PACSIN2: variants seen among roughly 807,000 people sequenced by gnomAD.
The protein encoded by PACSIN2 is protein kinase C and casein kinase substrate in neurons 2.
A neutral mutation model predicts 63.8 loss-of-function variants in PACSIN2; 25 were observed. The observed-to-expected ratio is 0.39, with a 90% CI of 0.29 to 0.55. The LOEUF is 0.55. PACSIN2 is among the 20% of genes least tolerant of loss of function. The pLI is 0.62. For missense variants in PACSIN2, 518 were observed against 646.9 expected (o/e 0.80, Z 2.16); for synonymous variants, 255 against 256.2 (o/e 1.00, Z 0.05).
At chr22:42,874,094 T>G (rs1193129033) in intron 10 of PACSIN2, among the ~76,000 whole-genome samples, 1 of 152,120 alleles carries the variant, frequency 6.6e-6, no homozygotes, top group Non-Finnish European at 1.5e-5. Flanking sequence ...CCGGACAAGA[T>G]AACACTTTTC....
At position 42,949,457 on chromosome 22, in the gene PACSIN2, C is replaced by T. The variant is rs369706993; in HGVS notation, c.-77-37300G>A. Among the ~76,000 whole-genome samples the T allele has an allele frequency of 1.1e-3, 154 of 144,852 alleles. 1 individual carries two copies. The highest frequency in any genetic ancestry group is 3.6e-3 in the African/African-American group (124 of 34,470). On this transcript the variant is annotated intron_variant, in intron 1 of 10. Transcript: ENST00000263246. ...TTCAACGTTAAGCCTCATACACACACGCGCGCGCACGCACACACACACACA... is the reference window on the plus strand; with the variant it reads ...TTCAACGTTAAGCCTCATACACACATGCGCGCGCACGCACACACACACACA...
chr22:42,891,709 C>G (rs1261736459), intron 3 of PACSIN2, among the ~76,000 whole-genome samples: 1 of 152,196 alleles, frequency 6.6e-6, no homozygotes, highest in Admixed American at 6.5e-5. Flanking sequence ...CCCGGCCATG[C>G]CTTTCCTTTA....
chr22:42,916,785 G>A (rs780220579), intron 1 of PACSIN2, among the ~76,000 whole-genome samples: 7 of 152,078 alleles, frequency 4.6e-5, no homozygotes, highest in South Asian at 2.1e-4. Context: ...TGATTTCCTC[G>A]CAGGCATGGA....
chr22:42,883,429 G>A (rs990141278), intron 6 of PACSIN2, among the ~76,000 whole-genome samples: 3 of 152,130 alleles, frequency 2.0e-5, no homozygotes, highest in East Asian at 1.9e-4. Flanking sequence ...GACCCGTGAC[G>A]CATCCCTACA....
intron 7 of PACSIN2, 96 bp downstream of exon 7, chr22:42,882,088 A>T: frequency 7.1e-7 from 1 of 1,416,938 alleles, no homozygotes. Context: ...GCAAACACTA[A>T]CATAGAGTCT....
At chr22:43,013,432 G>C (rs1924632643) in intron 1 of PACSIN2, among the ~76,000 whole-genome samples, 1 of 152,064 alleles carries the variant, frequency 6.6e-6, no homozygotes, top group African/African-American at 2.4e-5. Flanking sequence ...CTAGAATTAA[G>C]TTTAAGTCCA....
At chr22:42,967,525 A>G (rs1169410835) in intron 1 of PACSIN2, among the ~76,000 whole-genome samples, 1 of 152,256 alleles carries the variant, frequency 6.6e-6, no homozygotes, top group Non-Finnish European at 1.5e-5. Flanking sequence ...TTGTAACAGA[A>G]TAATTATACT....
intron 2 of PACSIN2, among the ~76,000 whole-genome samples, chr22:42,907,411 T>G (rs732439): frequency 0.45 from 68,921 of 152,114 alleles, 16,178 homozygotes; most frequent in Non-Finnish European, 0.49. Context: ...TGAAAAGAAA[T>G]AATTAATGGT....
intron 1 of PACSIN2, among the ~76,000 whole-genome samples, chr22:42,988,302 G>A (rs1050837650): frequency 6.6e-6 from 1 of 152,154 alleles, no homozygotes; most frequent in East Asian, 1.9e-4. Flanking sequence ...CAAAGCCCAC[G>A]AGGACACAGA....
At position 42,942,663 on chromosome 22, in the gene PACSIN2, T is replaced by C. The variant is rs79661757; in HGVS notation, c.-77-30506A>G. 4.3e-3 allele frequency among the ~76,000 whole-genome samples: 648 copies of C among 152,292 alleles called. 3 individuals are homozygous for C. The highest frequency in any genetic ancestry group is 0.015 in the African/African-American group (612 of 41,552). On this transcript the variant is annotated intron_variant, in intron 1 of 10. Transcript: ENST00000263246. ...GTCCCAGCGTCACTTGTTGAAAAGATTTTTCTTTCCCCCATTGAACTGGCT... is the reference window on the plus strand; with the variant it reads ...GTCCCAGCGTCACTTGTTGAAAAGACTTTTCTTTCCCCCATTGAACTGGCT...
At chr22:42,902,899 C>A (rs763204262) in intron 2 of PACSIN2, among the ~76,000 whole-genome samples, 1 of 152,216 alleles carries the variant, frequency 6.6e-6, no homozygotes, top group Non-Finnish European at 1.5e-5. Context: ...CAGGTGTGAG[C>A]CACCGCGCCC....
chr22:42,945,039 G>A (rs867136758), intron 1 of PACSIN2, among the ~76,000 whole-genome samples: 11 of 151,530 alleles, frequency 7.3e-5, no homozygotes, highest in African/African-American at 2.2e-4. Context: ...CAGAGGTTGC[G>A]GTGAGCCAAG....
intron 1 of PACSIN2, among the ~76,000 whole-genome samples, chr22:42,931,235 T>C (rs946844763): frequency 2.0e-5 from 3 of 152,220 alleles, no homozygotes; most frequent in African/African-American, 7.2e-5. Flanking sequence ...AATGAATGAA[T>C]CCCAGCCTTG....
intron 1 of PACSIN2, among the ~76,000 whole-genome samples, chr22:42,963,725 A>G (rs1920931825): frequency 6.6e-6 from 1 of 152,168 alleles, no homozygotes; most frequent in Non-Finnish European, 1.5e-5. Flanking sequence ...AGTCAGGTCC[A>G]CTTGATACAA....
At chr22:43,008,222 C>T (rs1312081115) in intron 1 of PACSIN2, among the ~76,000 whole-genome samples, 2 of 152,152 alleles carry the variant, frequency 1.3e-5, no homozygotes, top group Non-Finnish European at 2.9e-5. Flanking sequence ...AAATAAGCCA[C>T]CTAACATCTG....
chr22:42,987,883 G>T (rs1357898480), intron 1 of PACSIN2, among the ~76,000 whole-genome samples: 1 of 152,068 alleles, frequency 6.6e-6, no homozygotes, highest in Non-Finnish European at 1.5e-5. Flanking sequence ...GTTTATGTCT[G>T]TAATCCCAGC....
At chr22:42,933,305 AC>A in intron 1 of PACSIN2, among the ~76,000 whole-genome samples, 2 of 152,318 alleles carry the variant, frequency 1.3e-5, no homozygotes, top group African/African-American at 4.8e-5. Flanking sequence ...GTAGAAAGGT[AC>A]CTCTCTGAAT....
At chr22:43,000,995 C>A (rs754756519) in intron 1 of PACSIN2, among the ~76,000 whole-genome samples, 7 of 152,220 alleles carry the variant, frequency 4.6e-5, no homozygotes, top group Non-Finnish European at 1.0e-4. Flanking sequence ...AAGCAGAAGG[C>A]ACTTGAAGGG....
chr22:42,889,505 G>A (rs553015049), intron 4 of PACSIN2, among the ~76,000 whole-genome samples: 16 of 152,124 alleles, frequency 1.1e-4, no homozygotes, highest in African/African-American at 2.9e-4. Context: ...GTTTCATTAT[G>A]AATGGGGCCA....
Sources: gnomAD v4.1 joint callset for allele counts (sites outside exome capture counted in the v4.1 genomes callset) on GRCh38, gnomAD v4.1.1 for gene constraint, MANE v1.5 for transcripts, NCBI Gene and HGNC (gene_info 2026-07-23, HGNC 2026-07-21) for gene names.